TNRC6B: variants seen among roughly 807,000 people sequenced by gnomAD.
TNRC6B encodes trinucleotide repeat containing adaptor 6B.
Under a neutral mutation model 203.6 loss-of-function variants are expected in TNRC6B, and 52 were observed. That is an observed-to-expected ratio of 0.26 (90% CI 0.20 to 0.32). The LOEUF is 0.32. TNRC6B is among the 10% of genes least tolerant of loss of function. TNRC6B has a pLI of 1.00. For missense variants in TNRC6B, 1,923 were observed against 2,286.2 expected (o/e 0.84, Z 3.24); for synonymous variants, 838 against 845.7 (o/e 0.99, Z 0.16).
At chr22:40,045,810 A>ACCTCTTT (rs1324029956) in intron 1 of TNRC6B, among the ~76,000 whole-genome samples, 8 of 152,138 alleles carry the variant, frequency 5.3e-5, no homozygotes, top group African/African-American at 1.9e-4. Context: ...AGTAACGGTC[A>ACCTCTTT]CCTCTAGTCA....
intron 21 of TNRC6B, among the ~76,000 whole-genome samples, chr22:40,319,417 CTTTTCTTTTTTTTTTTTT>C (rs990620913): frequency 1.7e-5 from 2 of 115,294 alleles, no homozygotes; most frequent in Admixed American, 8.1e-5. Context: ...TATAACTTTT[CTTTTCTTTTTTTTTTTTT>C]TTTTTTGAGA....
chr22:40,235,963 CT>C (rs2069941761), intron 1 of TNRC6B, among the ~76,000 whole-genome samples: 1 of 152,110 alleles, frequency 6.6e-6, no homozygotes, highest in Non-Finnish European at 1.5e-5. Context: ...TTGAAGCTCT[CT>C]TTTTTTAATT....
intron 1 of TNRC6B, among the ~76,000 whole-genome samples, chr22:40,220,946 T>A (rs960249848): frequency 2.0e-5 from 3 of 152,160 alleles, no homozygotes; most frequent in African/African-American, 7.2e-5. Context: ...GGGGGAGAGC[T>A]AACAACTGGA....
intron 2 of TNRC6B, chr22:40,246,511 G>A (rs891949123): frequency 6.5e-6 from 1 of 153,486 alleles, no homozygotes; most frequent in Non-Finnish European, 1.5e-5. Flanking sequence ...CCCAATAATG[G>A]TACTTGAGAC....
At chr22:40,319,123 G>T (rs1347304399) in intron 21 of TNRC6B, among the ~76,000 whole-genome samples, 5 of 152,016 alleles carry the variant, frequency 3.3e-5, no homozygotes, top group Non-Finnish European at 5.9e-5. Flanking sequence ...GAATATGGGG[G>T]TGGCCGTGTT....
chr22:40,314,781 C>G (rs1251218209), intron 19 of TNRC6B, among the ~76,000 whole-genome samples: 7 of 152,186 alleles, frequency 4.6e-5, no homozygotes, highest in Non-Finnish European at 5.9e-5. Flanking sequence ...ATAGTAAGCC[C>G]TTAGTGAATA....
intron 1 of TNRC6B, among the ~76,000 whole-genome samples, chr22:40,186,168 A>G (rs2069199966): frequency 6.6e-6 from 1 of 152,146 alleles, no homozygotes; most frequent in Non-Finnish European, 1.5e-5. Flanking sequence ...GGACGGGAAG[A>G]GAAAGAGGAC....
At chr22:40,203,844 G>A (rs1463315863) in intron 1 of TNRC6B, among the ~76,000 whole-genome samples, 2 of 152,166 alleles carry the variant, frequency 1.3e-5, no homozygotes, top group East Asian at 1.9e-4. Context: ...AAAAGGGTTC[G>A]GGCTGTTAGT....
At chr22:40,216,886 A>G (rs1432974792) in intron 1 of TNRC6B, among the ~76,000 whole-genome samples, 1 of 152,210 alleles carries the variant, frequency 6.6e-6, no homozygotes, top group Non-Finnish European at 1.5e-5. Context: ...ACCCCTCCTT[A>G]AAAGACAAAC....
At chr22:40,073,212 A>G (rs908810805) in intron 1 of TNRC6B, among the ~76,000 whole-genome samples, 6 of 143,654 alleles carry the variant, frequency 4.2e-5, no homozygotes, top group African/African-American at 1.3e-4. Flanking sequence ...AGAAATGGTC[A>G]TTGGGATTCC....
chr22:40,057,278 T>C (rs2067806359), intron 1 of TNRC6B, among the ~76,000 whole-genome samples: 1 of 149,420 alleles, frequency 6.7e-6, no homozygotes. Context: ...ATGTGTACAT[T>C]GAAAATATGC....
Position 40,242,179 on chromosome 22 carries a change from A to AGTGTGT in TNRC6B, c.6-3810_6-3805dup, listed in dbSNP as rs58498001. On this transcript the variant is annotated intron_variant, in intron 1 of 22. Transcript: ENST00000454349. ...AGAGTGACAGAGCTAAGGGAATAAG[A>AGTGTGT]GTGTGTGTGTGTGTGTGTGTGTGTG... Among the ~76,000 whole-genome samples the AGTGTGT allele has an allele frequency of 2.6e-3, 396 of 149,546 alleles. 2 individuals carry two copies. Among genetic ancestry groups the AGTGTGT allele is most frequent in the Admixed American group, 5.0e-3 (76 of 15,068 alleles).
chr22:40,047,003 G>T (rs563446243), intron 1 of TNRC6B, among the ~76,000 whole-genome samples: 1 of 152,190 alleles, frequency 6.6e-6, no homozygotes, highest in South Asian at 2.1e-4. Context: ...AATAATATTA[G>T]CTAACATTTA....
At position 40,325,363 on chromosome 22, in the gene TNRC6B, C is replaced by G. The variant is rs1391136552; in HGVS notation, c.*2122C>G. 2 of 152,614 alleles carry G rather than the reference C, an allele frequency of 1.3e-5. No homozygotes were observed. The highest frequency in any genetic ancestry group is 2.9e-5 in the Non-Finnish European group (2 of 68,040). The allele number at this position is 152,614 out of a possible 1,614,324, so 9.5% of individuals were successfully genotyped here. A position where few individuals can be genotyped will look rare whatever the true frequency, so the allele number is the denominator to read the frequency against. On this transcript the variant is annotated 3_prime_UTR_variant, in exon 23 of 23. Coordinates refer to ENST00000454349, the MANE Select transcript of TNRC6B (RefSeq NM_001162501.2). ...TTTGCATTTCAGTGGTTTTGTGAGA[C>G]AAAGAATGGGAAATTCTGTAGCCCT...
At chr22:40,216,891 A>G (rs1310071790) in intron 1 of TNRC6B, among the ~76,000 whole-genome samples, 1 of 152,238 alleles carries the variant, frequency 6.6e-6, no homozygotes, top group African/African-American at 2.4e-5. Context: ...TCCTTAAAAG[A>G]CAAACATGAA....
Position 40,261,887 on chromosome 22 carries a change from C to T in TNRC6B, c.171C>T (p.Gly57=), listed in dbSNP as rs755962348. The change falls in exon 4 of 23, where the codon GGC becomes GGT. Residue 57 remains glycine (G), a synonymous_variant. Transcript: ENST00000454349. ...AACCAACGGCCGCCAGCCCAATTGG[C>T]AGCTCTCCATCGCCACCAGTCAATG... ...LSQPTAASPI[G]SSPSPPVNGG... 3 of 1,594,822 alleles carry T rather than the reference C, an allele frequency of 1.9e-6. No individual in the cohort carries two copies. Among genetic ancestry groups the T allele is most frequent in the Admixed American group, 1.7e-5 (1 of 59,838 alleles).
At position 40,265,128 on chromosome 22, in the gene TNRC6B, A is replaced by C; in HGVS notation, c.898A>C (p.Ser300Arg). The C allele has an allele frequency of 1.9e-6, 3 of 1,614,054 alleles. No individual in the cohort carries two copies. The highest frequency in any genetic ancestry group is 2.5e-6 in the Non-Finnish European group (3 of 1,179,892). ...TAGAATTGGACCTGGCTCTGGCTTCAGCAACTTTAACCCAAATAGCAACCC... is the reference window on the plus strand; with the variant it reads ...TAGAATTGGACCTGGCTCTGGCTTCCGCAACTTTAACCCAAATAGCAACCC... ...QDRIGPGSGF[S>R]NFNPNSNPSA... The change falls in exon 5 of 23, where the codon AGC becomes CGC. Residue 300 changes from serine (S) to arginine (R), a missense_variant. Coordinates refer to ENST00000454349, the MANE Select transcript of TNRC6B (RefSeq NM_001162501.2).
In TNRC6B at chr22:40,192,422, G is replaced by T. The variant is rs186880112; in HGVS notation, c.5+14282G>T. Among the ~76,000 whole-genome samples, 12 of 152,278 alleles carry T rather than the reference G, an allele frequency of 7.9e-5. No individual in the cohort carries two copies. The East Asian group carries it at 2.3e-3, about 30-fold the overall frequency. ...CACCTGAGGTCGGGAGTTGGAGACA[G>T]CCTAGCCAACGTGGTGAAACCCCGT... On this transcript the variant is annotated intron_variant, in intron 1 of 22. Transcript: ENST00000454349.
intron 7 of TNRC6B, among the ~76,000 whole-genome samples, chr22:40,275,215 G>C (rs1053208165): frequency 6.6e-6 from 1 of 152,244 alleles, no homozygotes; most frequent in Non-Finnish European, 1.5e-5. Flanking sequence ...TTCAGTCACA[G>C]AAGGAATTAT....
Sources: allele counts gnomAD v4.1 joint callset (sites outside exome capture counted in the v4.1 genomes callset), GRCh38; gene constraint gnomAD v4.1.1; transcripts MANE v1.5; gene names NCBI Gene and HGNC (gene_info 2026-07-23, HGNC 2026-07-21).